MYO5C: variants seen among roughly 807,000 people sequenced by gnomAD.
The protein encoded by MYO5C is unconventional myosin-Vc.
Under a neutral mutation model 235.7 loss-of-function variants are expected in MYO5C, and 194 were observed. The ratio of observed to expected loss-of-function variants is 0.82; its 90% CI spans 0.73 to 0.93. The LOEUF (loss-of-function observed/expected upper bound fraction) is 0.93, where lower values mean the gene tolerates loss of function less well. Ranked by LOEUF, MYO5C falls within the 40% of genes least tolerant of loss-of-function variation. The pLI is 0.00. For missense variants in MYO5C, 2,038 were observed against 2,127.2 expected, an observed-to-expected ratio of 0.96 and a Z score of 0.82; for synonymous variants, 707 against 754.8, an observed-to-expected ratio of 0.94 and a Z score of 1.04.
At chr15:52,235,284 G>A (rs113802763) in intron 23 of MYO5C, among the ~76,000 whole-genome samples, 3 of 152,210 alleles carry the variant, frequency 2.0e-5, no homozygotes, top group Admixed American at 6.5e-5. Flanking sequence ...CAGGATTACC[G>A]TAAAGGTTTT....
intron 10 of MYO5C, among the ~76,000 whole-genome samples, chr15:52,258,285 A>G (rs1017987266): frequency 2.0e-5 from 3 of 152,184 alleles, no homozygotes; most frequent in Non-Finnish European, 2.9e-5. Flanking sequence ...TTCTTCCATC[A>G]TATGTTCAAA....
At chr15:52,239,289 G>A (rs1291294302) in intron 21 of MYO5C, among the ~76,000 whole-genome samples, 1 of 152,188 alleles carries the variant, frequency 6.6e-6, no homozygotes, top group Non-Finnish European at 1.5e-5. Context: ...ATGGTATGGG[G>A]AATCTTCCCA....
chr15:52,195,454 T>C lies in MYO5C; in HGVS notation c.4999A>G (p.Ile1667Val), dbSNP rs755160143. 59 of 1,607,706 alleles carry C rather than the reference T, an allele frequency of 3.7e-5. No homozygotes were observed. The highest frequency in any genetic ancestry group is 4.8e-5 in the Non-Finnish European group (57 of 1,175,280). ...GGTGTGTATGAATTAAGGATCTTTA[T>C]GATCTGCAAACGGTACATAACATGG... Reference protein sequence around the residue: ...RCTSLSAVQIIKILNSYTPID... With the variant: ...RCTSLSAVQIVKILNSYTPID... The change falls in exon 40 of 41, where the codon ATA (isoleucine) becomes GTA (valine). Residue 1667 changes from isoleucine (I) to valine (V), a missense_variant. Ile to Val is a conservative substitution (Grantham distance 29). Coordinates refer to ENST00000261839, the MANE Select transcript of MYO5C (RefSeq NM_018728.4).
At chr15:52,201,666 T>C (rs1009016088) in intron 38 of MYO5C, among the ~76,000 whole-genome samples, 1 of 152,176 alleles carries the variant, frequency 6.6e-6, no homozygotes, top group African/African-American at 2.4e-5. Flanking sequence ...CTTATTGAGT[T>C]CTTTAAAATA....
At chr15:52,245,176 T>C (rs996335683) in intron 18 of MYO5C, among the ~76,000 whole-genome samples, 178 bp downstream of exon 18, 1 of 152,230 alleles carries the variant, frequency 6.6e-6, no homozygotes, top group Admixed American at 6.5e-5. Context: ...CGGGGACTCA[T>C]GGCCCACTGA....
intron 19 of MYO5C, chr15:52,243,400 G>A (rs8025701): frequency 0.047 from 7,117 of 152,636 alleles, 208 homozygotes; most frequent in Middle Eastern, 0.095. Flanking sequence ...CAAATGGGAA[G>A]GGAGCGTGGC....
intron 37 of MYO5C, 94 bp from the exon 38 acceptor site, chr15:52,205,241 T>A: frequency 7.3e-7 from 1 of 1,379,276 alleles, no homozygotes; most frequent in South Asian, 1.3e-5. Flanking sequence ...ATGGGACATT[T>A]TTCTACAAGA....
chr15:52,286,292 AG>A (rs1239108723), intron 1 of MYO5C, among the ~76,000 whole-genome samples: 20 of 147,002 alleles, frequency 1.4e-4, no homozygotes, highest in African/African-American at 5.1e-4. Context: ...CCGCCCGGCC[AG>A]CCGCCCCGTC....
chr15:52,256,585 A>ACACACGCGCG (rs1555417634), intron 11 of MYO5C, 54 bp downstream of exon 11: 3 of 870,866 alleles, frequency 3.4e-6, no homozygotes, highest in Non-Finnish European at 5.1e-6. Context: ...ACACACACAC[A>ACACACGCGCG]CACGCGCGCG....
chr15:52,200,112 A>AT (rs1370501227), intron 38 of MYO5C, among the ~76,000 whole-genome samples: 2 of 152,118 alleles, frequency 1.3e-5, no homozygotes, highest in African/African-American at 4.8e-5. Flanking sequence ...GCTGGCCACC[A>AT]TTTTTCACAC....
At chr15:52,290,321 C>A (rs986286357) in intron 1 of MYO5C, among the ~76,000 whole-genome samples, 4 of 151,944 alleles carry the variant, frequency 2.6e-5, no homozygotes, top group Admixed American at 1.3e-4. Flanking sequence ...ATACATAATA[C>A]AATGGATACA....
Position 52,192,392 on chromosome 15 carries a change from G to C in MYO5C, c.*1510C>G, listed in dbSNP as rs9228. 2 of 151,918 alleles carry C rather than the reference G, an allele frequency of 1.3e-5. No individual in the cohort carries two copies. Among genetic ancestry groups the C allele is most frequent in the East Asian group, 3.9e-4 (2 of 5,178 alleles). The allele number at this position is 151,918 out of a possible 1,614,324, so 9.4% of individuals were successfully genotyped here. A position where few individuals can be genotyped will look rare whatever the true frequency, so the allele number is the denominator to read the frequency against. Reference sequence around the variant, plus strand: ...TTCATTTTTTCATGTACAATGTATTGAAATGAACTAAACTCAATCACTTAT... The same window carrying C: ...TTCATTTTTTCATGTACAATGTATTCAAATGAACTAAACTCAATCACTTAT... On this transcript the variant is annotated 3_prime_UTR_variant, in exon 41 of 41. Transcript: ENST00000261839.
intron 1 of MYO5C, among the ~76,000 whole-genome samples, chr15:52,285,550 A>G (rs1226022697): frequency 6.6e-6 from 1 of 151,420 alleles, no homozygotes; most frequent in Non-Finnish European, 1.5e-5. Context: ...GCTGGACTGT[A>G]CTGCTGCCAT....
intron 17 of MYO5C, among the ~76,000 whole-genome samples, 181 bp downstream of exon 17, chr15:52,245,775 G>A (rs1050684693): frequency 6.6e-5 from 10 of 152,188 alleles, no homozygotes; most frequent in Non-Finnish European, 1.3e-4. Flanking sequence ...GTTGACCTCC[G>A]ACCCCTACAA....
Position 52,245,975 on chromosome 15 carries a change from C to T in MYO5C, c.2047G>A (p.Ala683Thr). ...ACATACCTGGAAGGGTAGCTCTGTG[C>T]ACTAATGCGAATCGTTTCTAAAACG... ...CGVLETIRIS[A>T]QSYPSRWTYI... Residue 683 changes from alanine to threonine, a missense_variant, in exon 17 of 41, where the codon GCA becomes ACA. Physicochemically the swap from Ala to Thr is moderately conservative, Grantham distance 58. Transcript: ENST00000261839. 1 of 1,614,170 alleles carries T rather than the reference C, an allele frequency of 6.2e-7. No homozygotes were observed. The highest frequency in any genetic ancestry group is 8.5e-7 in the Non-Finnish European group (1 of 1,179,998).
intron 13 of MYO5C, 104 bp downstream of exon 13, chr15:52,251,286 A>T: frequency 1.8e-6 from 2 of 1,125,600 alleles, no homozygotes; most frequent in Non-Finnish European, 1.2e-6. Context: ...GCTACATGTT[A>T]AGTATGACTT....
chr15:52,213,086 G>T, intron 34 of MYO5C, 102 bp downstream of exon 34: 1 of 805,504 alleles, frequency 1.2e-6, no homozygotes, highest in Non-Finnish European at 2.1e-6. Context: ...AGCAGTGGAA[G>T]AAAAAGTAGA....
chr15:52,271,232 ATTT>A (rs71425738), intron 7 of MYO5C, among the ~76,000 whole-genome samples: 1 of 142,070 alleles, frequency 7.0e-6, no homozygotes, highest in Non-Finnish European at 1.6e-5. Context: ...CCAATGAGCT[ATTT>A]TTTTTTTTTT....
intron 12 of MYO5C, among the ~76,000 whole-genome samples, chr15:52,252,784 A>G (rs1791859992): frequency 6.6e-6 from 1 of 151,984 alleles, no homozygotes; most frequent in Admixed American, 6.6e-5. Flanking sequence ...CAAAAAAAAA[A>G]AAAATCCTTT....
Sources: allele counts gnomAD v4.1 joint callset (sites outside exome capture counted in the v4.1 genomes callset), GRCh38; gene constraint gnomAD v4.1.1; transcripts MANE v1.5; gene names NCBI Gene and HGNC (gene_info 2026-07-23, HGNC 2026-07-21).